Variants in PGM2 observed in about 807,000 individuals in gnomAD.
PGM2 encodes the protein phosphoglucomutase 2.
A neutral mutation model predicts 74.6 loss-of-function variants in PGM2; 57 were observed. The observed-to-expected ratio is 0.76, with a 90% CI of 0.62 to 0.95. PGM2 has a LOEUF of 0.95. Ranked by LOEUF, PGM2 falls within the 40% of genes least tolerant of loss-of-function variation. The pLI is 0.00. For synonymous variants in PGM2, 273 were observed against 260.7 expected (o/e 1.05, Z -0.46); for missense variants, 706 against 741.9 (o/e 0.95, Z 0.56).
In PGM2 at chr4:37,861,468, A is replaced by C. The variant is rs186979191; in HGVS notation, c.1737-42A>C. The stretch of plus-strand genomic sequence containing the variant: ...GGGGAGCATTTAAACTGTGCTTTGG[A>C]ATAATCCCTTGACCTGGATTTTTTT... On this transcript the variant is annotated intron_variant, in intron 13 of 13. Transcript: ENST00000381967. 4.0e-5 allele frequency: 53 copies of C among 1,336,970 alleles called. No individual in the cohort carries two copies. The East Asian group carries it at 1.2e-3, about 30-fold the overall frequency. 82.8% of individuals were successfully genotyped at this position (1,336,970 alleles called of 1,614,324 possible).
intron 6 of PGM2, among the ~76,000 whole-genome samples, chr4:37,840,984 G>A (rs868223337): frequency 7.5e-5 from 9 of 119,964 alleles, no homozygotes; most frequent in East Asian, 2.5e-4. Context: ...ATATATATAT[G>A]TATGTTTTTA....
chr4:37,839,552 A>G (rs1252343134), intron 4 of PGM2: 2 of 536,554 alleles, frequency 3.7e-6, no homozygotes, highest in Admixed American at 4.5e-5. Context: ...GGAGGCTTAG[A>G]CCATCGTTGT....
intron 8 of PGM2, 91 bp from the exon 9 acceptor site, chr4:37,846,840 G>T (rs1027022584): frequency 1.0e-6 from 1 of 989,840 alleles, no homozygotes; most frequent in Non-Finnish European, 1.5e-6. Context: ...TAGATGCTTT[G>T]TTTGCTAAAT....
At chr4:37,858,033 C>G (rs914973445) in intron 13 of PGM2, among the ~76,000 whole-genome samples, 1 of 152,046 alleles carries the variant, frequency 6.6e-6, no homozygotes, top group Non-Finnish European at 1.5e-5. Context: ...TTTTCATTAT[C>G]TGATGAAAAT....
intron 2 of PGM2, among the ~76,000 whole-genome samples, chr4:37,831,266 C>T (rs1249377236): frequency 6.6e-6 from 1 of 150,838 alleles, no homozygotes; most frequent in Admixed American, 6.6e-5. Flanking sequence ...ATAGGGCTCC[C>T]TGAGATGCTG....
intron 3 of PGM2, among the ~76,000 whole-genome samples, chr4:37,836,172 A>AT (rs940530884): frequency 1.2e-4 from 19 of 152,014 alleles, no homozygotes; most frequent in African/African-American, 4.4e-4. Flanking sequence ...TAAGGTACAG[A>AT]TTTTTTTGCC....
chr4:37,850,063 C>T (rs1560419088), intron 11 of PGM2, 121 bp from the exon 12 acceptor site: 5 of 589,370 alleles, frequency 8.5e-6, no homozygotes, highest in African/African-American at 2.0e-5. Context: ...GCTGGGATTA[C>T]AGGCGTGACC....
chr4:37,842,740 G>A (rs1014128312), intron 6 of PGM2, among the ~76,000 whole-genome samples: 5 of 151,522 alleles, frequency 3.3e-5, no homozygotes, highest in African/African-American at 7.3e-5. Flanking sequence ...GGCTCACTGC[G>A]GCCTTGACCT....
chr4:37,831,192 CAAA>C (rs11432971), intron 2 of PGM2, among the ~76,000 whole-genome samples: 5 of 74,064 alleles, frequency 6.8e-5, no homozygotes, highest in East Asian at 6.9e-4. Context: ...GACTCTGTCT[CAAA>C]AAAAAAAAAA....
At chr4:37,860,563 C>A (rs148439382) in intron 13 of PGM2, among the ~76,000 whole-genome samples, 5 of 152,166 alleles carry the variant, frequency 3.3e-5, no homozygotes, top group African/African-American at 1.2e-4. Flanking sequence ...ATTGCTTTAG[C>A]TATTACAGTA....
At chr4:37,835,306 C>G (rs1051714163) in intron 3 of PGM2, among the ~76,000 whole-genome samples, 9 of 152,158 alleles carry the variant, frequency 5.9e-5, no homozygotes, top group African/African-American at 1.9e-4. Flanking sequence ...CCTAAGGACA[C>G]TAGTACCAGG....
chr4:37,831,977 C>G (rs1041131961), intron 2 of PGM2, among the ~76,000 whole-genome samples: 1 of 152,118 alleles, frequency 6.6e-6, no homozygotes, highest in Non-Finnish European at 1.5e-5. Flanking sequence ...AGAGCTTTTT[C>G]CCCTGTATTT....
At chr4:37,839,111 A>ATTT (rs60423053) in intron 4 of PGM2, among the ~76,000 whole-genome samples, 12 of 94,656 alleles carry the variant, frequency 1.3e-4, no homozygotes, top group East Asian at 2.6e-4. Flanking sequence ...ATTCCCTCAA[A>ATTT]TTTTTTTTTT....
intron 1 of PGM2, among the ~76,000 whole-genome samples, chr4:37,828,946 A>T (rs552461522): frequency 2.6e-5 from 4 of 152,238 alleles, no homozygotes; most frequent in Non-Finnish European, 4.4e-5. Context: ...AATCTGCCAC[A>T]ATCTGGAAAT....
rs779089658 is a variant in PGM2 at position 37,844,383 on chromosome 4, A to C, written c.739A>C (p.Lys247Gln). Reference protein sequence around the residue: ...CFHRSVNRETKVKFVHTSVHG... With the variant: ...CFHRSVNRETQVKFVHTSVHG... Reference sequence around the variant, plus strand: ...TTCTAGGAGCGTGAACAGGGAGACAAAGGTGAAGTTTGTGCACACCTCTGT... The same window carrying C: ...TTCTAGGAGCGTGAACAGGGAGACACAGGTGAAGTTTGTGCACACCTCTGT... The change falls in exon 7 of 14, where the codon AAG (lysine) becomes CAG (glutamine). Residue 247 changes from lysine to glutamine, a missense_variant. By Grantham distance (53) the Lys-to-Gln change is moderately conservative. Coordinates refer to ENST00000381967, the MANE Select transcript of PGM2 (RefSeq NM_018290.4). 1.9e-6 allele frequency: 3 copies of C among 1,608,884 alleles called. No homozygotes were observed. Among genetic ancestry groups the C allele is most frequent in the Non-Finnish European group, 2.5e-6 (3 of 1,177,654 alleles).
chr4:37,835,349 G>A (rs766500494), intron 3 of PGM2, among the ~76,000 whole-genome samples: 1 of 152,172 alleles, frequency 6.6e-6, no homozygotes, highest in Non-Finnish European at 1.5e-5. Context: ...AGGGCAAATA[G>A]TGGATATCAT....
intron 1 of PGM2, among the ~76,000 whole-genome samples, chr4:37,827,628 T>G (rs1188047813): frequency 6.6e-6 from 1 of 152,170 alleles, no homozygotes; most frequent in Non-Finnish European, 1.5e-5. Flanking sequence ...TCCGAAGCGT[T>G]AAATTATTTA....
chr4:37,826,707 T>C lies in PGM2; in HGVS notation c.-26T>C. On this transcript the variant is annotated 5_prime_UTR_variant, in exon 1 of 14. Transcript: ENST00000381967. ...AGGCAGATCTCACCGCCTGCTTCCC[T>C]CTGCAGCGGTAGCACAAGCTCAGCG... The C allele has an allele frequency of 6.5e-7, 1 of 1,535,160 alleles. No individual in the cohort carries two copies. The highest frequency in any genetic ancestry group is 1.7e-4 in the Middle Eastern group (1 of 5,952).
chr4:37,839,723 G>T (rs1725655758), intron 4 of PGM2, 125 bp from the exon 5 acceptor site: 2 of 702,576 alleles, frequency 2.8e-6, no homozygotes, highest in Middle Eastern at 2.4e-4. Flanking sequence ...AAAATATTAT[G>T]CTATTTATAT....
Sources: allele counts gnomAD v4.1 joint callset (sites outside exome capture counted in the v4.1 genomes callset), GRCh38; gene constraint gnomAD v4.1.1; transcripts MANE v1.5; gene names NCBI Gene and HGNC (gene_info 2026-07-23, HGNC 2026-07-21).